EIF2AK2: variants seen among roughly 807,000 people sequenced by gnomAD.
EIF2AK2 encodes eukaryotic translation initiation factor 2 alpha kinase 2, also known as interferon-induced, double-stranded RNA-activated protein kinase.
In EIF2AK2, 40 loss-of-function variants were observed where a neutral mutation model predicts 70.5. The ratio of observed to expected loss-of-function variants is 0.57; its 90% confidence interval spans 0.44 to 0.74. The LOEUF is 0.74. Among genes scored for constraint, EIF2AK2 ranks in the 30% least tolerant of loss-of-function variants. EIF2AK2 has a pLI of 0.00. For missense variants in EIF2AK2, 555 were observed against 644.3 expected (o/e 0.86, Z 1.50); for synonymous variants, 198 against 220.9 (o/e 0.90, Z 0.92).
At chr2:37,135,432 C>T (rs1010118409) in intron 10 of EIF2AK2, 52 bp downstream of exon 10, 2 of 1,470,336 alleles carry the variant, frequency 1.4e-6, no homozygotes, top group African/African-American at 2.9e-5. Context: ...CTACCAAAAA[C>T]ATCCACCGAC....
At chr2:37,134,538 C>T (rs770940373) in intron 10 of EIF2AK2, among the ~76,000 whole-genome samples, 6 of 152,174 alleles carry the variant, frequency 3.9e-5, no homozygotes, top group Non-Finnish European at 8.8e-5. Context: ...CTGCCCCTAG[C>T]GCCCACCTTT....
At chr2:37,137,895 G>A (rs1439160576) in intron 8 of EIF2AK2, among the ~76,000 whole-genome samples, 2 of 152,036 alleles carry the variant, frequency 1.3e-5, no homozygotes, top group Non-Finnish European at 2.9e-5. Flanking sequence ...GGCAGAACAC[G>A]AGGTCAGGAG....
chr2:37,153,582 T>C (rs1276699746), intron 1 of EIF2AK2, among the ~76,000 whole-genome samples: 1 of 152,194 alleles, frequency 6.6e-6, no homozygotes, highest in Non-Finnish European at 1.5e-5. Context: ...AATCAAACAG[T>C]ATTTGTCCTT....
At chr2:37,120,222 C>A in intron 12 of EIF2AK2, 83 bp from the exon 13 acceptor site, 1 of 969,688 alleles carries the variant, frequency 1.0e-6, no homozygotes, top group South Asian at 5.1e-5. Context: ...TAAAGTTTTT[C>A]ATAACTTTTT....
chr2:37,151,201 A>G (rs1466528702), intron 1 of EIF2AK2, among the ~76,000 whole-genome samples: 1 of 152,226 alleles, frequency 6.6e-6, no homozygotes, highest in African/African-American at 2.4e-5. Flanking sequence ...ATATCTGATG[A>G]GGGTCTAGTA....
chr2:37,107,613 G>T, intron 15 of EIF2AK2, 86 bp from the exon 16 acceptor site: 1 of 1,436,188 alleles, frequency 7.0e-7, no homozygotes. Flanking sequence ...TACCTGAAAT[G>T]TAGGATATTT....
intron 14 of EIF2AK2, among the ~76,000 whole-genome samples, chr2:37,114,152 G>A (rs981161481): frequency 6.6e-6 from 1 of 151,952 alleles, no homozygotes; most frequent in African/African-American, 2.4e-5. Flanking sequence ...AAAATAATTA[G>A]CTGGGCACAG....
Position 37,148,840 on chromosome 2 carries a change from C to T in EIF2AK2, c.-17+17G>A, listed in dbSNP as rs190110763. On this transcript the variant is annotated intron_variant, in intron 2 of 16. Transcript: ENST00000233057. Reference sequence around the variant, plus strand: ...ATGCCACTTTTCTGAGTGCAAAATTCGGAAGACCGCTTGTACCTGGTTGGA... The same window carrying T: ...ATGCCACTTTTCTGAGTGCAAAATTTGGAAGACCGCTTGTACCTGGTTGGA... The T allele has an allele frequency of 1.2e-5, 10 of 839,566 alleles. No homozygotes were observed. Among genetic ancestry groups the T allele is most frequent in the Admixed American group, 1.7e-5 (1 of 58,500 alleles). The allele number at this position is 839,566 out of a possible 1,614,324, so 52.0% of individuals were successfully genotyped here. A position where few individuals can be genotyped will look rare whatever the true frequency, so the allele number is the denominator to read the frequency against.
chr2:37,139,814 T>A, intron 5 of EIF2AK2, 57 bp from the exon 6 acceptor site: 2 of 1,532,904 alleles, frequency 1.3e-6, no homozygotes, highest in Middle Eastern at 1.8e-4. Context: ...CAAATCCAAC[T>A]TAGGATTCAA....
rs56051707 is a variant in EIF2AK2, at chr2:37,145,742, C to CTTTTTTTTTT, written c.240+1101_240+1110dup. Among the ~76,000 whole-genome samples the CTTTTTTTTTT allele has an allele frequency of 7.8e-5, 4 of 51,224 alleles. 1 individual carries two copies. The highest frequency in any genetic ancestry group is 3.2e-4 in the African/African-American group (4 of 12,388). 33.6% of individuals were successfully genotyped at this position (51,224 alleles called of 152,430 possible). ...CTTATATGGGTGTACTTTTGCTTGT[C>CTTTTTTTTTT]TTTTTTTTTTTTTTTTTTTTTTTTT... On this transcript the variant is annotated intron_variant, in intron 4 of 16. Transcript: ENST00000233057.
chr2:37,109,551 G>C, intron 14 of EIF2AK2: 1 of 357,100 alleles, frequency 2.8e-6, no homozygotes, highest in Non-Finnish European at 5.1e-6. Context: ...CAACCACAGA[G>C]TTTGATTGTG....
intron 12 of EIF2AK2, 149 bp from the exon 13 acceptor site, chr2:37,120,288 C>T (rs1023581336): frequency 9.5e-5 from 41 of 432,728 alleles, no homozygotes; most frequent in African/African-American, 7.5e-4. Context: ...GAGGCCGAGG[C>T]GGGCGGATCA....
At chr2:37,141,954 C>T (rs1675347869) in intron 4 of EIF2AK2, among the ~76,000 whole-genome samples, 1 of 152,124 alleles carries the variant, frequency 6.6e-6, no homozygotes, top group Non-Finnish European at 1.5e-5. Context: ...AGTACTATAA[C>T]ACTTTCTAGC....
At chr2:37,150,134 G>T (rs1675691695) in intron 1 of EIF2AK2, among the ~76,000 whole-genome samples, 1 of 134,186 alleles carries the variant, frequency 7.5e-6, no homozygotes. Flanking sequence ...CCCAGAGGAA[G>T]TGACGGTAAA....
chr2:37,109,713 T>G (rs74545224), intron 14 of EIF2AK2, among the ~76,000 whole-genome samples: 611 of 152,370 alleles, frequency 4.0e-3, no homozygotes, highest in African/African-American at 0.014. Context: ...TTGTGGCATA[T>G]TCATACAATG....
intron 5 of EIF2AK2, 70 bp downstream of exon 5, chr2:37,141,483 G>C: frequency 6.4e-7 from 1 of 1,555,896 alleles, no homozygotes; most frequent in Non-Finnish European, 8.7e-7. Context: ...TGGAAAATTA[G>C]ACACGAAAAT....
At position 37,106,521 on chromosome 2, in the gene EIF2AK2, A is replaced by G. The variant is rs1673969769; in HGVS notation, c.*752T>C. 6.7e-6 allele frequency: 1 copy of G among 150,110 alleles called. No individual in the cohort carries two copies. The highest frequency in any genetic ancestry group is 6.6e-5 in the Admixed American group (1 of 15,050). The allele number at this position is 150,110 out of a possible 1,614,324, so 9.3% of individuals were successfully genotyped here. ...AGCTATGTGGGTATACATGGATTCA[A>G]CTTTACTAGATAATGCCAAATTGTT... On this transcript the variant is annotated 3_prime_UTR_variant, in exon 17 of 17. Transcript: ENST00000233057.
At chr2:37,115,214 GTTTTTTTTTTT>G (rs747138117) in intron 13 of EIF2AK2, 6 of 109,194 alleles carry the variant, frequency 5.5e-5, no homozygotes, top group African/African-American at 2.3e-4. Context: ...TGCCCGGCTA[GTTTTTTTTTTT>G]TTTTTTTTTT....
At chr2:37,137,367 A>C (rs1675164590) in intron 8 of EIF2AK2, among the ~76,000 whole-genome samples, 1 of 152,106 alleles carries the variant, frequency 6.6e-6, no homozygotes, top group African/African-American at 2.4e-5. Flanking sequence ...ATTGATTTGT[A>C]GTTCTTTATA....
Sources: gnomAD v4.1 joint callset for allele counts (sites outside exome capture counted in the v4.1 genomes callset) on GRCh38, gnomAD v4.1.1 for gene constraint, MANE v1.5 for transcripts, NCBI Gene and HGNC (gene_info 2026-07-23, HGNC 2026-07-21) for gene names.